CUL9: variants seen among roughly 807,000 people sequenced by gnomAD.
The protein encoded by CUL9 is cullin 9.
A neutral mutation model predicts 272.6 loss-of-function variants in CUL9; 79 were observed. That is an observed-to-expected ratio of 0.29 (90% confidence interval 0.24 to 0.35). The LOEUF is 0.35. CUL9 is among the 10% of genes least tolerant of loss of function. The probability of loss-of-function intolerance (pLI) is 1.00; values close to 1 mark genes in which losing one functional copy is unlikely to be tolerated. For synonymous variants in CUL9, 1,186 were observed against 1,286.5 expected (o/e 0.92, Z 1.67); for missense variants, 2,532 against 3,255.6 (o/e 0.78, Z 5.41).
In CUL9 at chr6:43,220,413, T is replaced by C. The variant is rs760163572; in HGVS notation, c.6283-46T>C. ...AGTTACCAGGACACTCCCCCTGTGC[T>C]GCTCCCACACTGTCTGTGAGCAGCC... On this transcript the variant is annotated intron_variant, in intron 31 of 40. Coordinates refer to ENST00000252050, the MANE Select transcript of CUL9 (RefSeq NM_015089.4). The surrounding 1 kb of genome is among the most constrained non-coding windows in gnomAD (Gnocchi z 4.9). 6.2e-7 allele frequency: 1 copy of C among 1,608,932 alleles called. No homozygotes were observed. Among genetic ancestry groups the C allele is most frequent in the East Asian group, 2.2e-5 (1 of 44,836 alleles).
Position 43,203,584 on chromosome 6 carries a change from C to G in CUL9, c.4017C>G (p.Leu1339=). The G allele has an allele frequency of 6.2e-7, 1 of 1,613,158 alleles. No individual in the cohort carries two copies. The highest frequency in any genetic ancestry group is 8.5e-7 in the Non-Finnish European group (1 of 1,179,920). The part of the protein sequence containing the change: ...IAEDHRRLLQ[L]CPRLNRVLRH... ...AGGACCACCGGCGCCTCCTCCAGCTCTGTCCCAGGTGGGTGGGGCCTGAGG... is the reference window on the plus strand; with the variant it reads ...AGGACCACCGGCGCCTCCTCCAGCTGTGTCCCAGGTGGGTGGGGCCTGAGG... Residue 1339 remains leucine, a synonymous_variant, in exon 19 of 41, where the codon CTC becomes CTG. Coordinates refer to ENST00000252050, the MANE Select transcript of CUL9 (RefSeq NM_015089.4). The surrounding 1 kb of genome is among the most constrained non-coding windows in gnomAD (Gnocchi z 5.0).
chr6:43,221,388 G>A lies in CUL9; in HGVS notation c.6752+67G>A. 1 of 1,300,518 alleles carries A rather than the reference G, an allele frequency of 7.7e-7. No homozygotes were observed. The highest frequency in any genetic ancestry group is 1.3e-5 in the South Asian group (1 of 79,018). The allele number at this position is 1,300,518 out of a possible 1,614,324, so 80.6% of individuals were successfully genotyped here. On this transcript the variant is annotated intron_variant, in intron 34 of 40. Coordinates refer to ENST00000252050, the MANE Select transcript of CUL9 (RefSeq NM_015089.4). This position sits in a 1 kb window ranked among gnomAD's most constrained non-coding sequence, Gnocchi z 4.2. ...GGGGAGGAGGCCTGGCAGAAGGAGG[G>A]GGGAACGGGCTTAGTGTAAAGCTCA...
rs764078938 is a variant in CUL9, at chr6:43,221,182, C to T, written c.6613C>T (p.His2205Tyr). Residue 2205 changes from histidine to tyrosine, a missense_variant, in exon 34 of 41, where the codon CAT becomes TAT. Physicochemically the swap from His to Tyr is moderately conservative, Grantham distance 83. Around this residue, in one of 3 missense-constraint regions of CUL9, gnomAD observed 77 missense variants for 161.1 expected, o/e 0.48. Coordinates refer to ENST00000252050, the MANE Select transcript of CUL9 (RefSeq NM_015089.4). This position sits in a 1 kb window ranked among gnomAD's most constrained non-coding sequence, Gnocchi z 4.2. ...PEAHYPASCG[H>Y]MSQWVDDGGY... ...GGCACACTACCCTGCTAGCTGTGGC[C>T]ATATGTCTCAGTGGGTCGACGACGG... is the stretch of plus-strand genomic sequence containing the variant. 92 of 1,611,426 alleles carry T rather than the reference C, an allele frequency of 5.7e-5. No homozygotes were observed. The highest frequency in any genetic ancestry group is 7.2e-5 in the Non-Finnish European group (85 of 1,179,956).
In CUL9 at chr6:43,196,713, GAGACC is replaced by G. The variant is rs1774030598; in HGVS notation, c.2658_2662del (p.Gln887TyrfsTer11). Reference sequence around the variant, plus strand: ...CTTTTGTGCAACCACCACACTCTGGGAGACCAGATTATAACCCAAGAGCTGAGAGA... The same window carrying G: ...CTTTTGTGCAACCACCACACTCTGGGAGATTATAACCCAAGAGCTGAGAGA... On this transcript the variant is annotated frameshift_variant, in exon 11 of 41. Transcript: ENST00000252050. LOFTEE classifies it high-confidence loss of function. 7.4e-6 allele frequency: 12 copies of G among 1,614,078 alleles called. No individual in the cohort carries two copies. The highest frequency in any genetic ancestry group is 9.3e-6 in the Non-Finnish European group (11 of 1,180,042).
In CUL9 at chr6:43,196,746, C is replaced by T. The variant is rs142672693; in HGVS notation, c.2687C>T (p.Thr896Met). 54 of 1,614,032 alleles carry T rather than the reference C, an allele frequency of 3.3e-5. No homozygotes were observed. Among genetic ancestry groups the T allele is most frequent in the Admixed American group, 5.0e-5 (3 of 60,010 alleles). The change falls in exon 11 of 41, where the codon ACG (threonine) becomes ATG (methionine). Residue 896 changes from threonine to methionine, a missense_variant. This residue lies in a region of CUL9 where 2,218 missense variants were observed against 2,788.6 expected (regional missense o/e 0.80). Transcript: ENST00000252050. ...ATTATAACCCAAGAGCTGAGAGACACGTTGTTTAGGCACTCAGGGATAGCA... is the reference window on the plus strand; with the variant it reads ...ATTATAACCCAAGAGCTGAGAGACATGTTGTTTAGGCACTCAGGGATAGCA... ...DQIITQELRD[T>M]LFRHSGIAPR...
Position 43,224,283 on chromosome 6 carries a change from G to GGAGGAGGAAGACGAT in CUL9, c.7398_7412dup (p.Glu2466_Glu2470dup). Reference sequence around the variant, plus strand: ...CCTCCTCAGGGCCAGAGGCAGAAGAGGAGGAGGAAGACGATGAGGATGATG... The same window carrying GGAGGAGGAAGACGAT: ...CCTCCTCAGGGCCAGAGGCAGAAGAGGAGGAGGAAGACGATGAGGAGGAAGACGATGAGGATGATG... On this transcript the variant is annotated inframe_insertion, in exon 41 of 41. Transcript: ENST00000252050. The surrounding 1 kb of genome is among the most constrained non-coding windows in gnomAD (Gnocchi z 4.2). 6.2e-7 allele frequency: 1 copy of GGAGGAGGAAGACGAT among 1,614,208 alleles called. No homozygotes were observed. Among genetic ancestry groups the GGAGGAGGAAGACGAT allele is most frequent in the Non-Finnish European group, 8.5e-7 (1 of 1,180,014 alleles).
intron 4 of CUL9, among the ~76,000 whole-genome samples, chr6:43,186,665 AC>A (rs1772946640): frequency 6.6e-6 from 1 of 151,744 alleles, no homozygotes; most frequent in Non-Finnish European, 1.5e-5. Context: ...TTCATGGGAG[AC>A]TCACCCAGGA....
In CUL9 at chr6:43,216,414, G is replaced by C. The variant is rs375119455; in HGVS notation, c.6193G>C (p.Val2065Leu). The C allele has an allele frequency of 6.2e-7, 1 of 1,613,812 alleles. No homozygotes were observed. The highest frequency in any genetic ancestry group is 8.5e-7 in the Non-Finnish European group (1 of 1,179,838). ...CGTACACCAGGCTCAGGCTGTACCC[G>C]TACGGCCTGACCACTGCCCCGTCTG... ...LCVHQAQAVP[V>L]RPDHCPVCVS... is the part of the protein sequence containing the mutation. The change falls in exon 31 of 41, where the codon GTA (valine) becomes CTA (leucine). Residue 2065 changes from valine (V) to leucine (L), a missense_variant. Physicochemically the swap from Val to Leu is conservative, Grantham distance 32. This residue lies in a region of CUL9 where 2,218 missense variants were observed against 2,788.6 expected (regional missense o/e 0.80). Coordinates refer to ENST00000252050, the MANE Select transcript of CUL9 (RefSeq NM_015089.4).
In CUL9 at chr6:43,187,057, C is replaced by T. The variant is rs756559506; in HGVS notation, c.1349C>T (p.Ala450Val). 9.3e-6 allele frequency: 15 copies of T among 1,614,054 alleles called. No individual in the cohort carries two copies. In the East Asian group the frequency reaches 3.1e-4, roughly 34 times the overall value. The change falls in exon 5 of 41, where the codon GCT (alanine) becomes GTT (valine). Residue 450 changes from alanine (A) to valine (V), a missense_variant. Physicochemically the swap from Ala to Val is moderately conservative, Grantham distance 64. This residue lies in a region of CUL9 where 2,218 missense variants were observed against 2,788.6 expected (regional missense o/e 0.80). Transcript: ENST00000252050. ...GCCACTGAGGATAAGGCTTCAGCAG[C>T]TGTGGAGAAGGGGGCAGGGGCTACT... ...EEATEDKASA[A>V]VEKGAGATVL...
chr6:43,188,847 G>A (rs578193862), intron 8 of CUL9, 132 bp downstream of exon 8: 9 of 680,598 alleles, frequency 1.3e-5, no homozygotes, highest in East Asian at 1.1e-4. Flanking sequence ...AGGAGCAGCC[G>A]AGCAGGAGGG....
intron 3 of CUL9, 97 bp downstream of exon 3, chr6:43,185,707 G>C (rs779705398): frequency 7.1e-7 from 1 of 1,400,438 alleles, no homozygotes; most frequent in Admixed American, 2.3e-5. Context: ...AGAGCCACCT[G>C]GGAACTTGTT....
At position 43,213,745 on chromosome 6, in the gene CUL9, C is replaced by G; in HGVS notation, c.5521C>G (p.Arg1841Gly). The change falls in exon 29 of 41, where the codon CGC becomes GGC. Residue 1841 changes from arginine (R) to glycine (G), a missense_variant. By Grantham distance (125) the Arg-to-Gly change is moderately radical (BLOSUM62 -2). Transcript: ENST00000252050. This position sits in a 1 kb window ranked among gnomAD's most constrained non-coding sequence, Gnocchi z 5.7. ...VLRLHEPGPQ[R>G]SGEALWLIPP... ...GCGGCTTCATGAGCCTGGGCCCCAG[C>G]GCAGTGGGGAGGCCCTGTGGCTGAT... 1 of 1,613,788 alleles carries G rather than the reference C, an allele frequency of 6.2e-7. No individual in the cohort carries two copies. Among genetic ancestry groups the G allele is most frequent in the Non-Finnish European group, 8.5e-7 (1 of 1,180,026 alleles).
In CUL9 at chr6:43,200,777, A is replaced by G. The variant is rs945787557; in HGVS notation, c.3590A>G (p.Asn1197Ser). ...AACCCCAAGACCTACTGGGAGTCCAACGGCAGCACCGGCTCCCACTACATC... is the reference window on the plus strand; with the variant it reads ...AACCCCAAGACCTACTGGGAGTCCAGCGGCAGCACCGGCTCCCACTACATC... ...DHNPKTYWES[N>S]GSTGSHYITL... Residue 1197 changes from asparagine to serine, a missense_variant, in exon 16 of 41, where the codon AAC (asparagine) becomes AGC (serine). By Grantham distance (46) the Asn-to-Ser change is conservative. This residue lies in a region of CUL9 where 2,218 missense variants were observed against 2,788.6 expected (regional missense o/e 0.80). Transcript: ENST00000252050. The surrounding 1 kb of genome is among the most constrained non-coding windows in gnomAD (Gnocchi z 4.0). The G allele has an allele frequency of 3.1e-6, 5 of 1,614,072 alleles. No homozygotes were observed. Among genetic ancestry groups the G allele is most frequent in the Non-Finnish European group, 3.4e-6 (4 of 1,180,028 alleles).
intron 8 of CUL9, among the ~76,000 whole-genome samples, chr6:43,189,687 G>T (rs1223230772): frequency 1.3e-5 from 2 of 152,082 alleles, no homozygotes; most frequent in Non-Finnish European, 2.9e-5. Flanking sequence ...GGGATTACAG[G>T]TGCCCACCAC....
Position 43,198,720 on chromosome 6 carries a change from G to A in CUL9, c.2915G>A (p.Cys972Tyr). Reference protein sequence around the residue: ...ELLLDLERVLCREGSPGGAVR... With the variant: ...ELLLDLERVLYREGSPGGAVR... ...CTCCTGGACTTGGAGCGTGTGCTGTGCCGTGAGGGCAGCCCCGGAGGTGCC... is the reference window on the plus strand; with the variant it reads ...CTCCTGGACTTGGAGCGTGTGCTGTACCGTGAGGGCAGCCCCGGAGGTGCC... Residue 972 changes from cysteine to tyrosine, a missense_variant, in exon 12 of 41, where the codon TGC becomes TAC. By Grantham distance (194) the Cys-to-Tyr change is radical. Transcript: ENST00000252050. 1 of 1,614,184 alleles carries A rather than the reference G, an allele frequency of 6.2e-7. No homozygotes were observed. Among genetic ancestry groups the A allele is most frequent in the East Asian group, 2.2e-5 (1 of 44,876 alleles).
intron 16 of CUL9, among the ~76,000 whole-genome samples, chr6:43,201,606 A>C (rs546533271): frequency 1.3e-5 from 2 of 152,112 alleles, no homozygotes; most frequent in African/African-American, 2.4e-5. Context: ...CAGCCTCCCG[A>C]GTAGCTGGGA....
At chr6:43,192,893 A>T in intron 8 of CUL9, 108 bp from the exon 9 acceptor site, 1 of 918,622 alleles carries the variant, frequency 1.1e-6, no homozygotes, top group Non-Finnish European at 1.7e-6. Context: ...GAGAGGATGG[A>T]CTAGATCTTG....
chr6:43,214,949 C>T (rs749115306), intron 29 of CUL9, 130 bp from the exon 30 acceptor site: 29 of 1,087,528 alleles, frequency 2.7e-5, no homozygotes, highest in Non-Finnish European at 3.5e-5. Flanking sequence ...TGCACTCTGG[C>T]CTGGGTGACA....
At chr6:43,215,454 C>T (rs1196202411) in intron 30 of CUL9, 128 bp downstream of exon 30, 6 of 1,360,898 alleles carry the variant, frequency 4.4e-6, no homozygotes, top group Non-Finnish European at 5.8e-6. Context: ...CTGTTATTTC[C>T]CTGACTTTGG....
Sources: gnomAD v4.1 joint callset for allele counts (sites outside exome capture counted in the v4.1 genomes callset) on GRCh38, gnomAD v4.1.1 for gene constraint, gnomAD v4.1.1 regional missense constraint, Gnocchi (gnomAD v3.1) non-coding constraint, MANE v1.5 for transcripts, NCBI Gene and HGNC (gene_info 2026-07-23, HGNC 2026-07-21) for gene names.